Variants in PCDHGA1 observed in about 807,000 individuals in gnomAD.
PCDHGA1 encodes the protein protocadherin gamma-A1.
In PCDHGA1, 32 loss-of-function variants were observed where a neutral mutation model predicts 58.0. The ratio of observed to expected loss-of-function variants is 0.55; its 90% CI spans 0.42 to 0.74. The LOEUF is 0.74. Ranked by LOEUF, PCDHGA1 falls within the 30% of genes least tolerant of loss-of-function variation. PCDHGA1 has a pLI of 0.00. For synonymous variants in PCDHGA1, 498 were observed against 501.1 expected (o/e 0.99, Z 0.08); for missense variants, 1,205 against 1,182.3 (o/e 1.02, Z -0.28).
chr5:141,402,760 G>A (rs2094303871), intron 1 of PCDHGA1, among the ~76,000 whole-genome samples: 1 of 152,176 alleles, frequency 6.6e-6, no homozygotes, highest in African/African-American at 2.4e-5. Flanking sequence ...CGAAAATCAG[G>A]ACTCCATCCG....
At chr5:141,397,304 A>G (rs1206880219) in intron 1 of PCDHGA1, among the ~76,000 whole-genome samples, 2 of 152,202 alleles carry the variant, frequency 1.3e-5, no homozygotes, top group Non-Finnish European at 2.9e-5. Context: ...TATTTCCTGA[A>G]GTAGAAGAGT....
At position 141,395,150 on chromosome 5, in the gene PCDHGA1, C is replaced by T. The variant is rs368875505; in HGVS notation, c.2421+62045C>T. ...CCCAGCCCAACTACGCAGACATGCT[C>T]ATCAGTCAGGAGGGCTGTGAGAAAA... On this transcript the variant is annotated intron_variant, in intron 1 of 3. Transcript: ENST00000517417. 8 of 1,614,044 alleles carry T rather than the reference C, an allele frequency of 5.0e-6. No individual in the cohort carries two copies. In the African/African-American group the frequency reaches 6.7e-5, roughly 13 times the overall value.
intron 1 of PCDHGA1, chr5:141,400,157 C>G (rs778405500): frequency 3.7e-6 from 6 of 1,614,050 alleles, no homozygotes; most frequent in African/African-American, 1.3e-5. Context: ...CGCCCTGTAC[C>G]CTCTGACCCC....
chr5:141,383,340 T>C (rs1475808617), intron 1 of PCDHGA1: 15 of 1,614,016 alleles, frequency 9.3e-6, no homozygotes, highest in Non-Finnish European at 1.2e-5. Context: ...AGAATACAGC[T>C]CCTGGGGTTC....
chr5:141,486,555 A>T lies in PCDHGA1; in HGVS notation c.2422-8252A>T, dbSNP rs746001345. The T allele has an allele frequency of 6.2e-6, 10 of 1,614,078 alleles. No individual in the cohort carries two copies. Among genetic ancestry groups the T allele is most frequent in the Non-Finnish European group, 7.6e-6 (9 of 1,180,022 alleles). ...CCCTCTTTCTTTCAGAGGTCACATGAGGTGTTTGTTCCTGAGAACAATCGC... is the reference window on the plus strand; with the variant it reads ...CCCTCTTTCTTTCAGAGGTCACATGTGGTGTTTGTTCCTGAGAACAATCGC... On this transcript the variant is annotated intron_variant, in intron 1 of 3. Transcript: ENST00000517417. This position sits in a 1 kb window ranked among gnomAD's most constrained non-coding sequence, Gnocchi z 5.0.
intron 1 of PCDHGA1, among the ~76,000 whole-genome samples, chr5:141,455,315 T>G (rs1416163436): frequency 6.6e-6 from 1 of 152,152 alleles, no homozygotes; most frequent in Non-Finnish European, 1.5e-5. Context: ...TTAGCAATTT[T>G]GTGTGTGTGT....
At chr5:141,484,891 C>T in intron 1 of PCDHGA1, 1 of 361,788 alleles carries the variant, frequency 2.8e-6, no homozygotes, top group Non-Finnish European at 5.0e-6. Context: ...GGGCTTTTTC[C>T]CCTCCAATGC....
At position 141,489,559 on chromosome 5, in the gene PCDHGA1, C is replaced by A; in HGVS notation, c.2422-5248C>A. ...CAGCACCAGCTGCCTGCTGCCAGTG[C>A]AGGTGGTGACTGAACACCCCCTGGA... On this transcript the variant is annotated intron_variant, in intron 1 of 3. Coordinates refer to ENST00000517417, the MANE Select transcript of PCDHGA1 (RefSeq NM_018912.3). This position sits in a 1 kb window ranked among gnomAD's most constrained non-coding sequence, Gnocchi z 4.5. The A allele has an allele frequency of 6.2e-7, 1 of 1,614,078 alleles. No homozygotes were observed. The highest frequency in any genetic ancestry group is 8.5e-7 in the Non-Finnish European group (1 of 1,180,014).
rs768648952 is a variant in PCDHGA1 at position 141,477,230 on chromosome 5, G to C, written c.2422-17577G>C. 6.2e-7 allele frequency: 1 copy of C among 1,614,046 alleles called. No homozygotes were observed. Among genetic ancestry groups the C allele is most frequent in the East Asian group, 2.2e-5 (1 of 44,890 alleles). ...GGATGCCCCTCTGGGGACTGTCATC[G>C]CTTTGCTCAGTGTGACTGACCTGGA... On this transcript the variant is annotated intron_variant, in intron 1 of 3. Transcript: ENST00000517417. The surrounding 1 kb of genome is among the most constrained non-coding windows in gnomAD (Gnocchi z 4.9).
intron 1 of PCDHGA1, chr5:141,420,445 T>C: frequency 9.6e-7 from 1 of 1,044,750 alleles, no homozygotes; most frequent in Non-Finnish European, 1.3e-6. Context: ...AATGCCTCAG[T>C]CTTCCTACTA....
chr5:141,344,615 G>T, intron 1 of PCDHGA1: 2 of 1,613,970 alleles, frequency 1.2e-6, no homozygotes, highest in Non-Finnish European at 1.7e-6. Flanking sequence ...ATCCAGAGCT[G>T]GTGCTGGAGC....
chr5:141,395,547 TGTGTGTGTGTG>T (rs750624769), intron 1 of PCDHGA1: 54,616 of 173,956 alleles, frequency 0.31, 7,840 homozygotes, highest in East Asian at 0.41. Context: ...ATTGTTTGTG[TGTGTGTGTGTG>T]TGTGTGTGTG....
At chr5:141,341,755 A>C in intron 1 of PCDHGA1, 1 of 406,632 alleles carries the variant, frequency 2.5e-6, no homozygotes, top group Non-Finnish European at 4.3e-6. Flanking sequence ...TAAAGATTGG[A>C]GTTTATGTTT....
intron 1 of PCDHGA1, chr5:141,423,100 G>C (rs2096709499): frequency 6.2e-7 from 1 of 1,613,944 alleles, no homozygotes; most frequent in Non-Finnish European, 8.5e-7. Context: ...GGAGCACACG[G>C]GCGAGGTGCG....
At chr5:141,416,929 C>T (rs1184470714) in intron 1 of PCDHGA1, 1 of 151,960 alleles carries the variant, frequency 6.6e-6, no homozygotes. Flanking sequence ...TAGTTATTAA[C>T]TATTAAACCA....
Position 141,456,470 on chromosome 5 carries a change from A to G in PCDHGA1, c.2422-38337A>G, listed in dbSNP as rs573210902. Among the ~76,000 whole-genome samples, 4 of 152,272 alleles carry G rather than the reference A, an allele frequency of 2.6e-5. No homozygotes were observed. In the East Asian group the frequency reaches 7.7e-4, roughly 29 times the overall value. On this transcript the variant is annotated intron_variant, in intron 1 of 3. Coordinates refer to ENST00000517417, the MANE Select transcript of PCDHGA1 (RefSeq NM_018912.3). ...GTCCAAATATCAATACAAGACATAT[A>G]AGCAAGAGAGTGCTTAATAAAGGGG...
chr5:141,490,936 C>T lies in PCDHGA1; in HGVS notation c.2422-3871C>T. 6.2e-7 allele frequency: 1 copy of T among 1,613,694 alleles called. No individual in the cohort carries two copies. On this transcript the variant is annotated intron_variant, in intron 1 of 3. Transcript: ENST00000517417. The surrounding 1 kb of genome is among the most constrained non-coding windows in gnomAD (Gnocchi z 5.4). ...GAATGATAATGCCCCAGCTGTGCTG[C>T]ACCCACGGCCAGACTGGGAACACTC...
rs757825548 is a variant in PCDHGA1, at chr5:141,361,696, G to C, written c.2421+28591G>C. 9.3e-6 allele frequency: 15 copies of C among 1,613,466 alleles called. No individual in the cohort carries two copies. In the Admixed American group the frequency reaches 1.0e-4, roughly 11 times the overall value. ...GGTGGTGTTCGCGCAGCGCGCCTTC[G>C]ATCATGAGCAGCTGCGCGCCTTCGA... On this transcript the variant is annotated intron_variant, in intron 1 of 3. Transcript: ENST00000517417.
In PCDHGA1 at chr5:141,351,776, C is replaced by G. The variant is rs772478650; in HGVS notation, c.2421+18671C>G. The G allele has an allele frequency of 2.1e-4, 346 of 1,613,404 alleles. 3 individuals carry two copies. In the East Asian group the frequency reaches 7.0e-3, roughly 33 times the overall value. On this transcript the variant is annotated intron_variant, in intron 1 of 3. Transcript: ENST00000517417. ...GTTGTCCTACGTGTCCGTGAGCCCG[C>G]AGAGCGGGGTGGTGTTCGCGCAGCG... is the stretch of plus-strand genomic sequence containing the variant.
Sources: gnomAD v4.1 joint callset for allele counts (sites outside exome capture counted in the v4.1 genomes callset) on GRCh38, gnomAD v4.1.1 for gene constraint, Gnocchi (gnomAD v3.1) non-coding constraint, MANE v1.5 for transcripts, NCBI Gene and HGNC (gene_info 2026-07-23, HGNC 2026-07-21) for gene names.